Variants in HDAC8 observed in about 807,000 individuals in gnomAD.
HDAC8 encodes histone deacetylase 8.
HDAC8 carries 1 observed loss-of-function variant against 32.2 expected under a neutral mutation model. The ratio of observed to expected loss-of-function variants is 0.03; its 90% CI spans 0.01 to 0.15. HDAC8 has a LOEUF of 0.15. HDAC8 is among the 10% of genes least tolerant of loss of function. HDAC8 has a pLI of 1.00. For synonymous variants in HDAC8, 108 were observed against 113.9 expected, an observed-to-expected ratio of 0.95 and a Z score of 0.33; for missense variants, 117 against 300.0, an observed-to-expected ratio of 0.39 and a Z score of 4.51.
In HDAC8 at chrX:72,447,951, A is replaced by G. The variant is rs1244933545; in HGVS notation, c.1005+14053T>C. ...AATAAGAGAGGACACAAACAAATGG[A>G]AAAACATTCCATGTTCATGGATAGG... is the stretch of plus-strand genomic sequence containing the variant. On this transcript the variant is annotated intron_variant, in intron 9 of 10. Transcript: ENST00000373573. 8.9e-5 allele frequency among the ~76,000 whole-genome samples: 10 copies of G among 112,294 alleles called. No homozygotes were observed. In the South Asian group the frequency reaches 1.5e-3, roughly 17 times the overall value.
At chrX:72,451,283 G>A (rs2047564805) in intron 9 of HDAC8, among the ~76,000 whole-genome samples, 2 of 109,081 alleles carry the variant, frequency 1.8e-5, no homozygotes, top group South Asian at 8.1e-4. Flanking sequence ...TGCATACTCT[G>A]CCTCCCAGGT....
intron 9 of HDAC8, among the ~76,000 whole-genome samples, chrX:72,422,055 G>A (rs1263871718): frequency 9.0e-6 from 1 of 111,646 alleles, no homozygotes; most frequent in Admixed American, 9.5e-5. Flanking sequence ...TATGTGATGA[G>A]TTGTTTCTCT....
At chrX:72,510,872 A>G (rs943931637) in intron 4 of HDAC8, among the ~76,000 whole-genome samples, 1 of 111,927 alleles carries the variant, frequency 8.9e-6, no homozygotes, top group Non-Finnish European at 1.9e-5. Context: ...AGGTTAGCAA[A>G]TCAAAATCTT....
intron 9 of HDAC8, among the ~76,000 whole-genome samples, chrX:72,431,636 A>C (rs1419980232): frequency 1.8e-5 from 2 of 110,461 alleles, no homozygotes; most frequent in African/African-American, 6.6e-5. Flanking sequence ...TCAATCTATT[A>C]TTATCTGGCT....
intron 10 of HDAC8, chrX:72,330,946 C>CTTTTTTTTTT (rs66720533): frequency 3.6e-5 from 2 of 55,648 alleles, no homozygotes; most frequent in African/African-American, 1.1e-4. Context: ...ACTTGCCTAT[C>CTTTTTTTTTT]TTTTTTTTTT....
At chrX:72,436,172 C>T (rs1477783246) in intron 9 of HDAC8, among the ~76,000 whole-genome samples, 1 of 111,344 alleles carries the variant, frequency 9.0e-6, no homozygotes, top group African/African-American at 3.3e-5. Context: ...ATGGCTGAAA[C>T]TTCCCCAAAT....
At chrX:72,360,395 CCCTT>C (rs2044515820) in intron 9 of HDAC8, among the ~76,000 whole-genome samples, 1 of 111,491 alleles carries the variant, frequency 9.0e-6, no homozygotes. Flanking sequence ...CTGTCCAAAT[CCCTT>C]TCTATAAAAA....
chrX:72,416,428 T>TTTTTTTTTTTTTTTTTTTTTTTTTC, intron 9 of HDAC8, among the ~76,000 whole-genome samples: 1 of 84,196 alleles, frequency 1.2e-5, no homozygotes, highest in African/African-American at 4.4e-5. Flanking sequence ...TTTTTTTTTT[T>TTTTTTTTTTTTTTTTTTTTTTTTTC]TTTTTTTTTT....
intron 7 of HDAC8, among the ~76,000 whole-genome samples, chrX:72,475,679 C>T (rs941121230): frequency 9.0e-6 from 1 of 111,448 alleles, no homozygotes; most frequent in Non-Finnish European, 1.9e-5. Flanking sequence ...TGGACATATT[C>T]AGAAGACATT....
intron 9 of HDAC8, among the ~76,000 whole-genome samples, chrX:72,455,740 G>C (rs782313487): frequency 9.0e-6 from 1 of 111,614 alleles, no homozygotes; most frequent in Non-Finnish European, 1.9e-5. Context: ...TCGGTGGTGA[G>C]ATCAATGACT....
chrX:72,482,127 T>C (rs1368117788), intron 7 of HDAC8, among the ~76,000 whole-genome samples: 3 of 111,836 alleles, frequency 2.7e-5, no homozygotes, highest in African/African-American at 9.8e-5. Context: ...TTGAACAGCT[T>C]AGCATGGATG....
At chrX:72,398,463 C>T (rs2045817814) in intron 9 of HDAC8, among the ~76,000 whole-genome samples, 1 of 110,111 alleles carries the variant, frequency 9.1e-6, no homozygotes, top group African/African-American at 3.3e-5. Flanking sequence ...GTAGTTGGGA[C>T]TACAGGCATG....
At chrX:72,500,090 T>C (rs782770916) in intron 4 of HDAC8, among the ~76,000 whole-genome samples, 7 of 110,893 alleles carry the variant, frequency 6.3e-5, no homozygotes, top group Non-Finnish European at 7.6e-5. Context: ...GAGAAACTGA[T>C]ACCCTAAACA....
intron 4 of HDAC8, among the ~76,000 whole-genome samples, chrX:72,533,532 C>T (rs1036641280): frequency 7.2e-5 from 8 of 111,551 alleles, no homozygotes; most frequent in Non-Finnish European, 1.5e-4. Context: ...AGTATTATTA[C>T]CCCGATACCA....
rs59374504 is a variant in HDAC8, at chrX:72,388,595, TACACAC to T, written c.1006-36763_1006-36758del. Among the ~76,000 whole-genome samples the T allele has an allele frequency of 2.1e-3, 190 of 88,394 alleles. 1 individual carries two copies. The highest frequency in any genetic ancestry group is 4.5e-3 in the African/African-American group (103 of 22,768). 76.8% of individuals were successfully genotyped at this position (88,394 alleles called of 115,157 possible). ...TTGTCTATACAAATGCCACAGTGAT[TACACAC>T]ACACACACACACACACACACACACA... is the stretch of plus-strand genomic sequence containing the variant. On this transcript the variant is annotated intron_variant, in intron 9 of 10. Coordinates refer to ENST00000373573, the MANE Select transcript of HDAC8 (RefSeq NM_018486.3).
chrX:72,544,909 G>C (rs1345744684), intron 4 of HDAC8, among the ~76,000 whole-genome samples: 1 of 111,957 alleles, frequency 8.9e-6, no homozygotes. Context: ...TTTGTAGAAG[G>C]CCTTGATTTT....
At chrX:72,395,820 A>C (rs1555965455) in intron 9 of HDAC8, among the ~76,000 whole-genome samples, 1 of 112,050 alleles carries the variant, frequency 8.9e-6, no homozygotes, top group Non-Finnish European at 1.9e-5. Context: ...CCATTTGTAG[A>C]TGCACGTGGG....
At chrX:72,483,044 A>G (rs937512430) in intron 7 of HDAC8, among the ~76,000 whole-genome samples, 3 of 111,670 alleles carry the variant, frequency 2.7e-5, no homozygotes, top group Non-Finnish European at 5.6e-5. Context: ...CATAGAGGAG[A>G]CAATACATTT....
At chrX:72,474,290 T>C in intron 7 of HDAC8, 3 of 737,550 alleles carry the variant, frequency 4.1e-6, no homozygotes, top group Non-Finnish European at 4.8e-6. Context: ...TGAAAATCAA[T>C]CTCTATTTAT....
Sources: gnomAD v4.1 joint callset for allele counts (sites outside exome capture counted in the v4.1 genomes callset) on GRCh38, gnomAD v4.1.1 for gene constraint, MANE v1.5 for transcripts, NCBI Gene and HGNC (gene_info 2026-07-23, HGNC 2026-07-21) for gene names.